The following TTC39B variants were observed in gnomAD, a reference collection of about 807,000 sequenced individuals.
TTC39B encodes tetratricopeptide repeat protein 39B.
Under a neutral mutation model 96.6 loss-of-function variants are expected in TTC39B, and 92 were observed. The observed-to-expected ratio is 0.95, with a 90% CI of 0.80 to 1.13. The LOEUF (loss-of-function observed/expected upper bound fraction) is 1.13. Among genes scored for constraint, TTC39B ranks in the 50% most tolerant of loss-of-function variants. The probability of loss-of-function intolerance (pLI) is 0.00; values close to 1 mark genes in which losing one functional copy is unlikely to be tolerated. For missense variants in TTC39B, 955 were observed against 809.3 expected, an observed-to-expected ratio of 1.18 and a Z score of -2.18; for synonymous variants, 367 against 299.4, an observed-to-expected ratio of 1.23 and a Z score of -2.33.
chr9:15,224,530 C>T (rs1821019310), intron 3 of TTC39B: 1 of 152,276 alleles, frequency 6.6e-6, no homozygotes, highest in African/African-American at 2.4e-5. Flanking sequence ...TGTGGTTCAT[C>T]ACTTCAACAA....
intron 1 of TTC39B, among the ~76,000 whole-genome samples, chr9:15,277,954 G>A (rs967174484): frequency 1.3e-5 from 2 of 152,136 alleles, no homozygotes; most frequent in Admixed American, 6.5e-5. Flanking sequence ...AACCAGCCAA[G>A]CACAGAGAAA....
At chr9:15,206,032 G>T (rs1051655426) in intron 6 of TTC39B, among the ~76,000 whole-genome samples, 4 of 152,278 alleles carry the variant, frequency 2.6e-5, no homozygotes, top group African/African-American at 9.6e-5. Context: ...CTGAGCAGAC[G>T]GGTGGGCAGA....
At chr9:15,228,615 T>C (rs1171752778) in intron 2 of TTC39B, among the ~76,000 whole-genome samples, 1 of 152,174 alleles carries the variant, frequency 6.6e-6, no homozygotes, top group Non-Finnish European at 1.5e-5. Context: ...ACTAAGAACT[T>C]CCCACTTGTT....
intron 18 of TTC39B, among the ~76,000 whole-genome samples, chr9:15,176,115 G>A (rs996938309): frequency 1.3e-5 from 2 of 152,010 alleles, no homozygotes; most frequent in Non-Finnish European, 2.9e-5. Flanking sequence ...AGAGGCCCTG[G>A]GCAGAAAAAA....
intron 2 of TTC39B, among the ~76,000 whole-genome samples, chr9:15,261,744 C>A (rs1455249647): frequency 1.3e-5 from 2 of 152,178 alleles, no homozygotes; most frequent in Non-Finnish European, 2.9e-5. Flanking sequence ...CCCCCATCTC[C>A]CAACCAAAAG....
chr9:15,261,322 T>C (rs929219636), intron 2 of TTC39B, among the ~76,000 whole-genome samples: 4 of 151,632 alleles, frequency 2.6e-5, no homozygotes, highest in Non-Finnish European at 5.9e-5. Flanking sequence ...CTACAAAAAA[T>C]AAAATTAGCC....
At chr9:15,181,093 T>A (rs1251834166) in intron 17 of TTC39B, among the ~76,000 whole-genome samples, 1 of 152,138 alleles carries the variant, frequency 6.6e-6, no homozygotes, top group Non-Finnish European at 1.5e-5. Context: ...ATAAAATATA[T>A]TTCCCCTCGA....
Position 15,189,636 on chromosome 9 carries a change from G to A in TTC39B, c.1174-3C>T. 6.2e-7 allele frequency: 1 copy of A among 1,614,116 alleles called. No individual in the cohort carries two copies. The highest frequency in any genetic ancestry group is 8.5e-7 in the Non-Finnish European group (1 of 1,180,008). On this transcript the variant is annotated splice_region_variant and splice_polypyrimidine_tract_variant and intron_variant, in intron 12 of 19. Transcript: ENST00000512701. Reference sequence around the variant, plus strand: ...TGATAAAACAACACGAGTGAGCCCTGCAGAGCAAGGAAGAAAACACACTGT... The same window carrying A: ...TGATAAAACAACACGAGTGAGCCCTACAGAGCAAGGAAGAAAACACACTGT...
At chr9:15,255,222 G>T (rs1247613829) in intron 2 of TTC39B, among the ~76,000 whole-genome samples, 1 of 151,790 alleles carries the variant, frequency 6.6e-6, no homozygotes, top group Non-Finnish European at 1.5e-5. Flanking sequence ...GCAATTTCAG[G>T]GTTCTTCCAA....
At chr9:15,197,695 T>G (rs1476627549) in intron 8 of TTC39B, among the ~76,000 whole-genome samples, 2 of 152,094 alleles carry the variant, frequency 1.3e-5, no homozygotes, top group Admixed American at 1.3e-4. Context: ...AGGCACATCA[T>G]AGTCAAACTA....
At chr9:15,264,515 G>A (rs1383572578) in intron 2 of TTC39B, among the ~76,000 whole-genome samples, 3 of 151,982 alleles carry the variant, frequency 2.0e-5, no homozygotes, top group South Asian at 2.1e-4. Context: ...TTAGCTGGAC[G>A]TAGTTGGCAG....
intron 2 of TTC39B, among the ~76,000 whole-genome samples, chr9:15,248,525 T>C (rs1822385346): frequency 6.6e-6 from 1 of 152,200 alleles, no homozygotes; most frequent in African/African-American, 2.4e-5. Context: ...ATCTGCTCCA[T>C]GAGGGAAGAT....
chr9:15,218,274 G>C (rs1034581055), intron 3 of TTC39B, among the ~76,000 whole-genome samples: 17 of 151,734 alleles, frequency 1.1e-4, no homozygotes, highest in African/African-American at 1.7e-4. Flanking sequence ...AAGATTCCTG[G>C]ACTGGAAATT....
rs971397665 is a variant in TTC39B at position 15,193,758 on chromosome 9, C to A, written c.825-1063G>T. ...ACTGACATCATGTACCTAATGATATCATTTCTAAGGTATTTTTGCCATAGA... is the reference window on the plus strand; with the variant it reads ...ACTGACATCATGTACCTAATGATATAATTTCTAAGGTATTTTTGCCATAGA... On this transcript the variant is annotated intron_variant, in intron 8 of 19. Coordinates refer to ENST00000512701, the Ensembl canonical transcript of TTC39B. Among the ~76,000 whole-genome samples, 8 of 152,194 alleles carry A rather than the reference C, an allele frequency of 5.3e-5. 1 individual carries two copies. Among genetic ancestry groups the A allele is most frequent in the Admixed American group, 2.0e-4 (3 of 15,280 alleles).
chr9:15,184,189 A>C (rs534811973), intron 16 of TTC39B, among the ~76,000 whole-genome samples: 1 of 152,344 alleles, frequency 6.6e-6, no homozygotes, highest in South Asian at 2.1e-4. Flanking sequence ...GTAAAATACT[A>C]TCAGTACTTA....
intron 1 of TTC39B, among the ~76,000 whole-genome samples, chr9:15,291,765 C>T (rs1824197565): frequency 2.0e-5 from 3 of 152,128 alleles, no homozygotes; most frequent in South Asian, 4.1e-4. Context: ...AAAAATCAGC[C>T]TCTTCCCTGA....
At chr9:15,305,080 C>T (rs1824714382) in intron 1 of TTC39B, among the ~76,000 whole-genome samples, 1 of 152,016 alleles carries the variant, frequency 6.6e-6, no homozygotes. Context: ...AAGCTATTTG[C>T]GCACCCAGTA....
chr9:15,184,087 T>A (rs1818392706), intron 16 of TTC39B, among the ~76,000 whole-genome samples: 1 of 151,954 alleles, frequency 6.6e-6, no homozygotes, highest in Non-Finnish European at 1.5e-5. Context: ...TAGGAAAGAA[T>A]ATGAACAACA....
chr9:15,210,189 G>T, intron 5 of TTC39B, 25 bp from the exon 6 acceptor site: 2 of 1,458,572 alleles, frequency 1.4e-6, no homozygotes, highest in African/African-American at 1.4e-5. Context: ...TAAAAAGGGA[G>T]ATAGAAAATA....
Sources: allele counts gnomAD v4.1 joint callset (sites outside exome capture counted in the v4.1 genomes callset), GRCh38; gene constraint gnomAD v4.1.1; transcripts MANE v1.5; gene names NCBI Gene and HGNC (gene_info 2026-07-23, HGNC 2026-07-21).